The following GRIN2B variants were observed in gnomAD, a reference collection of about 807,000 sequenced individuals.
The protein encoded by GRIN2B is glutamate ionotropic receptor NMDA type subunit 2B.
In GRIN2B, 5 loss-of-function variants were observed where a neutral mutation model predicts 114.5. The observed-to-expected ratio is 0.04, with a 90% CI of 0.02 to 0.09. GRIN2B has a LOEUF of 0.09. Ranked by LOEUF, GRIN2B falls within the 10% of genes least tolerant of loss-of-function variation. The pLI is 1.00. For missense variants in GRIN2B, 1,108 were observed against 1,943.5 expected, an observed-to-expected ratio of 0.57 and a Z score of 8.08; for synonymous variants, 787 against 745.1, an observed-to-expected ratio of 1.06 and a Z score of -0.92.
intron 3 of GRIN2B, among the ~76,000 whole-genome samples, chr12:13,780,357 A>G (rs770079542): frequency 2.5e-4 from 38 of 152,272 alleles, no homozygotes; most frequent in Non-Finnish European, 5.1e-4. Flanking sequence ...CCAGTATTTC[A>G]TGAAGGTTCA....
At chr12:13,734,717 T>C (rs1053978231) in intron 4 of GRIN2B, among the ~76,000 whole-genome samples, 1 of 152,198 alleles carries the variant, frequency 6.6e-6, no homozygotes, top group South Asian at 2.1e-4. Context: ...CTATGTGCTA[T>C]GCCATAGGTA....
chr12:13,882,049 C>A (rs1447071628), intron 2 of GRIN2B, among the ~76,000 whole-genome samples: 1 of 152,174 alleles, frequency 6.6e-6, no homozygotes, highest in Non-Finnish European at 1.5e-5. Flanking sequence ...CTCTAAACTG[C>A]CATCTGTCAC....
chr12:13,918,070 C>T (rs183182918), intron 2 of GRIN2B, among the ~76,000 whole-genome samples: 42 of 152,216 alleles, frequency 2.8e-4, no homozygotes, highest in African/African-American at 9.1e-4. Flanking sequence ...TGAAAAAAGC[C>T]CTGGACTTGG....
chr12:13,586,267 T>C (rs1030124836), intron 10 of GRIN2B, among the ~76,000 whole-genome samples: 1 of 152,246 alleles, frequency 6.6e-6, no homozygotes, highest in Non-Finnish European at 1.5e-5. Flanking sequence ...ATGTTTACTA[T>C]GTACTTATTC....
rs528907295 is a variant in GRIN2B, at chr12:13,836,908, G to A, written c.411+28890C>T. ...TAACCTGATGAGCCCCGTACGGCCC[G>A]GGGAATGGAGAATGCATTCTTCTCT... is the stretch of plus-strand genomic sequence containing the variant. On this transcript the variant is annotated intron_variant, in intron 3 of 13. Transcript: ENST00000609686. Among the ~76,000 whole-genome samples the A allele has an allele frequency of 6.6e-5, 10 of 152,324 alleles. 1 individual carries two copies. In the South Asian group the frequency reaches 1.7e-3, roughly 25 times the overall value.
At chr12:13,916,784 G>A (rs1333078449) in intron 2 of GRIN2B, among the ~76,000 whole-genome samples, 1 of 139,640 alleles carries the variant, frequency 7.2e-6, no homozygotes, top group Non-Finnish European at 1.6e-5. Context: ...ATGTACGCCA[G>A]GATGACAATG....
chr12:13,919,432 C>G (rs1866787370), intron 2 of GRIN2B, among the ~76,000 whole-genome samples: 1 of 152,216 alleles, frequency 6.6e-6, no homozygotes, highest in Non-Finnish European at 1.5e-5. Context: ...AAAATTCAAA[C>G]TCTTTTCTAA....
chr12:13,825,139 T>C (rs988169332), intron 3 of GRIN2B, among the ~76,000 whole-genome samples: 1 of 152,052 alleles, frequency 6.6e-6, no homozygotes, highest in African/African-American at 2.4e-5. Context: ...TTTAATTCAG[T>C]CCAAAATATA....
intron 8 of GRIN2B, among the ~76,000 whole-genome samples, chr12:13,613,768 T>G (rs538810474): frequency 1.3e-5 from 2 of 152,304 alleles, no homozygotes; most frequent in Admixed American, 1.3e-4. Context: ...GGATGTACAA[T>G]GATGCCTGGC....
At chr12:13,725,244 G>C (rs986292646) in intron 4 of GRIN2B, among the ~76,000 whole-genome samples, 1 of 152,044 alleles carries the variant, frequency 6.6e-6, no homozygotes, top group Non-Finnish European at 1.5e-5. Context: ...TCAGGAATTA[G>C]TCACCAGATT....
chr12:13,891,911 T>G (rs1866268846), intron 2 of GRIN2B, among the ~76,000 whole-genome samples: 1 of 152,210 alleles, frequency 6.6e-6, no homozygotes, highest in African/African-American at 2.4e-5. Flanking sequence ...CTAAGTTGTC[T>G]TAAATATAAA....
chr12:13,569,224 T>A (rs1948677168), intron 12 of GRIN2B, among the ~76,000 whole-genome samples: 1 of 152,184 alleles, frequency 6.6e-6, no homozygotes. Flanking sequence ...TGAAAGATGT[T>A]ATAGAATCCC....
chr12:13,563,491 G>T lies in GRIN2B; in HGVS notation c.3747C>A (p.Gly1249=). Reference sequence around the variant, plus strand: ...TGTCCTCACTGATGTCATACAGGTTGCCTGCTTTCTTGCAAGCCTCACACC... The same window carrying T: ...TGTCCTCACTGATGTCATACAGGTTTCCTGCTTTCTTGCAAGCCTCACACC... ...CIRCEACKKA[G]NLYDISEDNS... is the part of the protein sequence containing the mutation. Residue 1249 remains glycine, a synonymous_variant, in exon 14 of 14, where the codon GGC becomes GGA. Coordinates refer to ENST00000609686, the MANE Select transcript of GRIN2B (RefSeq NM_000834.5). The T allele has an allele frequency of 6.2e-7, 1 of 1,614,152 alleles. No individual in the cohort carries two copies. Among genetic ancestry groups the T allele is most frequent in the Non-Finnish European group, 8.5e-7 (1 of 1,180,036 alleles).
intron 2 of GRIN2B, among the ~76,000 whole-genome samples, chr12:13,886,490 G>A (rs1378505945): frequency 6.6e-6 from 1 of 152,176 alleles, no homozygotes; most frequent in Admixed American, 6.5e-5. Flanking sequence ...CTGCTGGGTT[G>A]AGACTATCAT....
At chr12:13,634,876 G>T (rs562863627) in intron 5 of GRIN2B, among the ~76,000 whole-genome samples, 1 of 152,262 alleles carries the variant, frequency 6.6e-6, no homozygotes, top group Non-Finnish European at 1.5e-5. Context: ...CTACTTTCTT[G>T]ATTTTTCCTA....
chr12:13,976,815 T>C (rs910804249), intron 2 of GRIN2B, among the ~76,000 whole-genome samples: 2 of 152,276 alleles, frequency 1.3e-5, no homozygotes, highest in Non-Finnish European at 2.9e-5. Flanking sequence ...ATTGTATTCA[T>C]GGAGGAACTG....
chr12:13,672,340 C>A (rs982129220), intron 5 of GRIN2B, among the ~76,000 whole-genome samples: 2 of 152,156 alleles, frequency 1.3e-5, no homozygotes, highest in Admixed American at 6.6e-5. Flanking sequence ...AACCCACATT[C>A]CTCCCCTGCT....
intron 4 of GRIN2B, among the ~76,000 whole-genome samples, chr12:13,703,952 A>T (rs1950335649): frequency 6.6e-6 from 1 of 152,206 alleles, no homozygotes; most frequent in African/African-American, 2.4e-5. Flanking sequence ...TTCCTCATAC[A>T]TTCACTTGTC....
intron 5 of GRIN2B, among the ~76,000 whole-genome samples, chr12:13,641,487 C>A (rs986884240): frequency 6.6e-6 from 1 of 152,144 alleles, no homozygotes. Context: ...GAGTTCTTGA[C>A]TTCCTTTTGC....
Sources: gnomAD v4.1 joint callset for allele counts (sites outside exome capture counted in the v4.1 genomes callset) on GRCh38, gnomAD v4.1.1 for gene constraint, MANE v1.5 for transcripts, NCBI Gene and HGNC (gene_info 2026-07-23, HGNC 2026-07-21) for gene names.